Variants in UBAC2 observed in about 807,000 individuals in gnomAD.
UBAC2 encodes the protein ubiquitin-associated domain-containing protein 2.
Under a neutral mutation model 44.0 loss-of-function variants are expected in UBAC2, and 26 were observed. The ratio of observed to expected loss-of-function variants is 0.59; its 90% CI spans 0.43 to 0.82. The LOEUF is 0.82. Among genes scored for constraint, UBAC2 ranks in the 40% least tolerant of loss-of-function variants. The pLI, the probability that UBAC2 is intolerant of heterozygous loss-of-function variation, is 0.00. For missense variants in UBAC2, 329 were observed against 419.4 expected, an observed-to-expected ratio of 0.78 and a Z score of 1.88; for synonymous variants, 155 against 154.3, an observed-to-expected ratio of 1.00 and a Z score of -0.04.
chr13:99,278,340 G>C (rs548992978), intron 4 of UBAC2, among the ~76,000 whole-genome samples: 2 of 152,028 alleles, frequency 1.3e-5, no homozygotes, highest in African/African-American at 4.8e-5. Flanking sequence ...TCACTTTCTC[G>C]GGCGCGTGAA....
intron 7 of UBAC2, among the ~76,000 whole-genome samples, chr13:99,340,803 A>G (rs2044874785): frequency 6.6e-6 from 1 of 152,222 alleles, no homozygotes; most frequent in Non-Finnish European, 1.5e-5. Context: ...TTCCACCTAT[A>G]TTAGATAAGC....
At chr13:99,336,075 C>A (rs765018066) in intron 6 of UBAC2, among the ~76,000 whole-genome samples, 9 of 151,364 alleles carry the variant, frequency 5.9e-5, no homozygotes, top group African/African-American at 9.7e-5. Flanking sequence ...TAAGATTGCT[C>A]ATTTTAGATT....
intron 6 of UBAC2, 110 bp from the exon 7 acceptor site, chr13:99,340,210 A>C: frequency 8.0e-7 from 1 of 1,243,408 alleles, no homozygotes; most frequent in Non-Finnish European, 1.1e-6. Context: ...CACTGCTATG[A>C]CTAAGAAAAA....
chr13:99,202,059 C>G (rs1340568299), intron 1 of UBAC2, among the ~76,000 whole-genome samples: 1 of 123,702 alleles, frequency 8.1e-6, no homozygotes, highest in Non-Finnish European at 1.6e-5. Context: ...GGCGACAAAG[C>G]GAGACTCCAT....
intron 6 of UBAC2, among the ~76,000 whole-genome samples, chr13:99,331,857 T>C (rs746552132): frequency 6.6e-6 from 1 of 152,142 alleles, no homozygotes; most frequent in Non-Finnish European, 1.5e-5. Context: ...TTTTCTGTTT[T>C]GCTCCTTACT....
intron 6 of UBAC2, among the ~76,000 whole-genome samples, chr13:99,326,807 A>G (rs2044646099): frequency 6.6e-6 from 1 of 152,100 alleles, no homozygotes; most frequent in African/African-American, 2.4e-5. Flanking sequence ...CAGCCACGAG[A>G]TGCACAGACA....
At chr13:99,340,792 G>C (rs1389438140) in intron 7 of UBAC2, among the ~76,000 whole-genome samples, 1 of 152,180 alleles carries the variant, frequency 6.6e-6, no homozygotes, top group Non-Finnish European at 1.5e-5. Flanking sequence ...GGACATTCTT[G>C]TTCCACCTAT....
At chr13:99,309,597 A>G (rs952832853) in intron 4 of UBAC2, among the ~76,000 whole-genome samples, 5 of 151,996 alleles carry the variant, frequency 3.3e-5, no homozygotes, top group South Asian at 4.1e-4. Flanking sequence ...TGGCCTTTAC[A>G]GTTTTTTTGT....
At chr13:99,336,060 G>A (rs1016733005) in intron 6 of UBAC2, among the ~76,000 whole-genome samples, 4 of 151,330 alleles carry the variant, frequency 2.6e-5, no homozygotes, top group Non-Finnish European at 4.4e-5. Context: ...GCCAGTTGCT[G>A]TATTTAAGAT....
intron 4 of UBAC2, among the ~76,000 whole-genome samples, chr13:99,312,149 G>T (rs2044420352): frequency 1.3e-5 from 2 of 152,246 alleles, no homozygotes; most frequent in African/African-American, 2.4e-5. Flanking sequence ...GTTTTTAACA[G>T]TAGAATTGAG....
At chr13:99,274,008 A>T (rs1393551859) in intron 4 of UBAC2, among the ~76,000 whole-genome samples, 1 of 152,044 alleles carries the variant, frequency 6.6e-6, no homozygotes, top group Non-Finnish European at 1.5e-5. Flanking sequence ...TTGAGTCCAG[A>T]GCTCACAGAC....
At position 99,352,002 on chromosome 13, in the gene UBAC2, G is replaced by T. The variant is rs533509056; in HGVS notation, c.807+11437G>T. Among the ~76,000 whole-genome samples the T allele has an allele frequency of 5.3e-5, 8 of 152,296 alleles. No homozygotes were observed. In the South Asian group the frequency reaches 1.0e-3, roughly 20 times the overall value. On this transcript the variant is annotated intron_variant, in intron 7 of 8. Transcript: ENST00000403766. Reference sequence around the variant, plus strand: ...GCACATCCTCACTTGGTAACATTCTGTGGCTGTGAAAATTGTTTCTCTCTT... The same window carrying T: ...GCACATCCTCACTTGGTAACATTCTTTGGCTGTGAAAATTGTTTCTCTCTT...
intron 1 of UBAC2, chr13:99,205,995 G>T: frequency 6.5e-6 from 1 of 153,384 alleles, no homozygotes. Context: ...TGTCAATAAA[G>T]CTGATTGGAT....
chr13:99,267,051 T>C (rs1298809557), intron 4 of UBAC2, among the ~76,000 whole-genome samples: 1 of 151,934 alleles, frequency 6.6e-6, no homozygotes, highest in African/African-American at 2.4e-5. Flanking sequence ...CTCCCTTCCT[T>C]TCCTGTAGTA....
At position 99,385,408 on chromosome 13, in the gene UBAC2, C is replaced by A; in HGVS notation, c.*73C>A. On this transcript the variant is annotated 3_prime_UTR_variant, in exon 9 of 9. Coordinates refer to ENST00000403766, the MANE Select transcript of UBAC2 (RefSeq NM_001144072.2). ...CGTGGTCCCCACCATCAGATCAGCC[C>A]GGGGACCGAGCATCTCTGGTGCTGA... 1 of 1,255,958 alleles carries A rather than the reference C, an allele frequency of 8.0e-7. No homozygotes were observed. Among genetic ancestry groups the A allele is most frequent in the Non-Finnish European group, 1.2e-6 (1 of 866,270 alleles). 77.8% of individuals were successfully genotyped at this position (1,255,958 alleles called of 1,614,324 possible).
chr13:99,377,446 A>G (rs1314642230), intron 8 of UBAC2: 1 of 152,226 alleles, frequency 6.6e-6, no homozygotes, highest in African/African-American at 2.4e-5. Flanking sequence ...CAGTAGCTGG[A>G]CTACAGAGAC....
intron 4 of UBAC2, among the ~76,000 whole-genome samples, chr13:99,253,783 G>A (rs2043492379): frequency 6.6e-6 from 1 of 152,118 alleles, no homozygotes; most frequent in South Asian, 2.1e-4. Flanking sequence ...CAAAGTGCTG[G>A]GATTACAGGC....
intron 6 of UBAC2, among the ~76,000 whole-genome samples, chr13:99,338,373 A>C (rs940418320): frequency 6.6e-6 from 1 of 152,032 alleles, no homozygotes; most frequent in African/African-American, 2.4e-5. Context: ...ATGTTTTAAG[A>C]AAGTTTATGA....
At chr13:99,345,368 G>T (rs1372611159) in intron 7 of UBAC2, among the ~76,000 whole-genome samples, 2 of 151,060 alleles carry the variant, frequency 1.3e-5, no homozygotes, top group East Asian at 3.9e-4. Context: ...ATGGACGGGG[G>T]AAAGGAGAAA....
Sources: gnomAD v4.1 joint callset for allele counts (sites outside exome capture counted in the v4.1 genomes callset) on GRCh38, gnomAD v4.1.1 for gene constraint, MANE v1.5 for transcripts, NCBI Gene and HGNC (gene_info 2026-07-23, HGNC 2026-07-21) for gene names.